The following BROX variants were observed in gnomAD, a reference collection of about 807,000 sequenced individuals.
BROX encodes the protein BRO1 domain and CAAX motif containing.
In BROX, 53 loss-of-function variants were observed where a neutral mutation model predicts 61.0. The ratio of observed to expected loss-of-function variants is 0.87; its 90% CI spans 0.70 to 1.09. The LOEUF (loss-of-function observed/expected upper bound fraction) is 1.09, where lower values mean the gene tolerates loss of function less well. Among genes scored for constraint, BROX ranks in the 50% least tolerant of loss-of-function variants. BROX has a pLI of 0.00. For synonymous variants in BROX, 152 were observed against 160.2 expected, an observed-to-expected ratio of 0.95 and a Z score of 0.38; for missense variants, 489 against 472.0, an observed-to-expected ratio of 1.04 and a Z score of -0.33.
In BROX at chr1:222,725,496, AT is replaced by A; in HGVS notation, c.524del (p.Leu175Ter). On this transcript the variant is annotated frameshift_variant, in exon 7 of 13. Coordinates refer to ENST00000340934, the MANE Select transcript of BROX (RefSeq NM_144695.4). LOFTEE classifies it high-confidence loss of function. ...ATTACACCTGCGGAAAAAGGAAGAG[AT>A]TTAGAGTCACGACTCATAGAAGCAT... ...KLITPAEKGR[D>X]LESRLIEAYV... 1 of 1,613,460 alleles carries A rather than the reference AT, an allele frequency of 6.2e-7. No homozygotes were observed. Among genetic ancestry groups the A allele is most frequent in the Non-Finnish European group, 8.5e-7 (1 of 1,179,762 alleles).
intron 7 of BROX, among the ~76,000 whole-genome samples, chr1:222,725,829 G>A (rs755791444): frequency 5.9e-5 from 9 of 152,136 alleles, no homozygotes; most frequent in Non-Finnish European, 1.2e-4. Context: ...AAGGATCGCT[G>A]GAGCCTGGGA....
chr1:222,732,336 G>T (rs995495783), intron 12 of BROX, among the ~76,000 whole-genome samples: 2 of 152,010 alleles, frequency 1.3e-5, no homozygotes, highest in African/African-American at 4.8e-5. Context: ...TTAGCATTAG[G>T]TATATCTCCT....
chr1:222,732,374 T>C (rs1432700994), intron 12 of BROX, among the ~76,000 whole-genome samples: 1 of 152,174 alleles, frequency 6.6e-6, no homozygotes, highest in African/African-American at 2.4e-5. Flanking sequence ...ATAGATCACT[T>C]AGAAAAAAGT....
chr1:222,727,796 G>A (rs545679094), intron 8 of BROX, among the ~76,000 whole-genome samples: 12 of 152,256 alleles, frequency 7.9e-5, no homozygotes, highest in South Asian at 4.1e-4. Flanking sequence ...ACATCACAGC[G>A]GCGAATTAGG....
At chr1:222,732,247 G>C (rs947574534) in intron 12 of BROX, among the ~76,000 whole-genome samples, 1 of 151,818 alleles carries the variant, frequency 6.6e-6, no homozygotes, top group Non-Finnish European at 1.5e-5. Flanking sequence ...AAGTTTTAGG[G>C]TACATGTGCA....
chr1:222,722,557 C>A (rs754206564), intron 5 of BROX, 43 bp downstream of exon 5: 1 of 1,341,580 alleles, frequency 7.5e-7, no homozygotes, highest in Admixed American at 1.9e-5. Flanking sequence ...TGTTATTTTT[C>A]AAGTATGTGG....
intron 4 of BROX, among the ~76,000 whole-genome samples, chr1:222,719,937 C>T (rs1047397915): frequency 5.9e-5 from 9 of 152,180 alleles, no homozygotes; most frequent in Admixed American, 3.9e-4. Flanking sequence ...TTTTTACTTA[C>T]CTACTGTTTT....
chr1:222,722,693 T>A (rs888725600), intron 5 of BROX, among the ~76,000 whole-genome samples, 179 bp downstream of exon 5: 1 of 152,210 alleles, frequency 6.6e-6, no homozygotes, highest in Non-Finnish European at 1.5e-5. Flanking sequence ...AAATAAATTT[T>A]AATAGTCTTG....
intron 5 of BROX, among the ~76,000 whole-genome samples, chr1:222,723,131 T>G (rs1235336444): frequency 6.6e-6 from 1 of 152,222 alleles, no homozygotes; most frequent in Non-Finnish European, 1.5e-5. Flanking sequence ...TATGTGCTGA[T>G]GTAAAATTAT....
At chr1:222,718,747 C>A (rs543064785) in intron 2 of BROX, among the ~76,000 whole-genome samples, 178 bp from the exon 3 acceptor site, 1 of 151,728 alleles carries the variant, frequency 6.6e-6, no homozygotes, top group Non-Finnish European at 1.5e-5. Context: ...TTTGTTAATC[C>A]CTTAGAGGAG....
chr1:222,731,811 G>A (rs973971721), intron 12 of BROX, among the ~76,000 whole-genome samples: 1 of 152,184 alleles, frequency 6.6e-6, no homozygotes, highest in Admixed American at 6.5e-5. Context: ...GATCATCCAT[G>A]TTTATACTGC....
intron 2 of BROX, among the ~76,000 whole-genome samples, chr1:222,717,122 A>G (rs923005495): frequency 3.9e-5 from 6 of 152,220 alleles, no homozygotes; most frequent in Non-Finnish European, 7.4e-5. Flanking sequence ...CATAGTATTT[A>G]TTTTAGGCTT....
Position 222,722,403 on chromosome 1 carries a change from A to T in BROX, c.306-16A>T. Reference sequence around the variant, plus strand: ...GGATAATTGACAGAACTTAATGATCATGTTTATAATTCCAGTGCCCAGCAG... The same window carrying T: ...GGATAATTGACAGAACTTAATGATCTTGTTTATAATTCCAGTGCCCAGCAG... On this transcript the variant is annotated splice_polypyrimidine_tract_variant and intron_variant, in intron 4 of 12. Transcript: ENST00000340934. 6.3e-7 allele frequency: 1 copy of T among 1,594,112 alleles called. No individual in the cohort carries two copies. The highest frequency in any genetic ancestry group is 1.3e-5 in the African/African-American group (1 of 74,612).
chr1:222,719,781 T>C (rs1656928126), intron 4 of BROX, among the ~76,000 whole-genome samples: 1 of 152,236 alleles, frequency 6.6e-6, no homozygotes, highest in South Asian at 2.1e-4. Context: ...AACTCCATAC[T>C]CTTGATTCAC....
chr1:222,715,104 G>T (rs1656487325), intron 1 of BROX: 1 of 152,178 alleles, frequency 6.6e-6, no homozygotes, highest in Admixed American at 6.5e-5. Flanking sequence ...ACCCGTTTTG[G>T]AAATTACGTT....
In BROX at chr1:222,727,511, T is replaced by A. The variant is rs956760631; in HGVS notation, c.670+254T>A. 5.9e-5 allele frequency among the ~76,000 whole-genome samples: 9 copies of A among 152,312 alleles called. No homozygotes were observed. The South Asian group carries it at 6.2e-4, about 11-fold the overall frequency. On this transcript the variant is annotated intron_variant, in intron 8 of 12. Transcript: ENST00000340934. ...GCTTAAAATTTTTTTTTAGTGTTTA[T>A]AACAACCTTATAGTTACTATGCTTT... is the stretch of plus-strand genomic sequence containing the variant.
chr1:222,732,263 T>TAC (rs1657994359), intron 12 of BROX, among the ~76,000 whole-genome samples: 3 of 152,182 alleles, frequency 2.0e-5, no homozygotes, highest in Non-Finnish European at 2.9e-5. Flanking sequence ...GTGCACAATG[T>TAC]GCAGGTTAGT....
At chr1:222,724,938 T>C (rs1038449815) in intron 6 of BROX, among the ~76,000 whole-genome samples, 1 of 151,868 alleles carries the variant, frequency 6.6e-6, no homozygotes. Context: ...GGATTATAGG[T>C]GCCTGCCACC....
intron 4 of BROX, among the ~76,000 whole-genome samples, chr1:222,720,261 G>A (rs1023536807): frequency 6.6e-6 from 1 of 152,088 alleles, no homozygotes; most frequent in Non-Finnish European, 1.5e-5. Context: ...TTCATTAAAT[G>A]TTCATTTCCT....
Sources: allele counts gnomAD v4.1 joint callset (sites outside exome capture counted in the v4.1 genomes callset), GRCh38; gene constraint gnomAD v4.1.1; transcripts MANE v1.5; gene names NCBI Gene and HGNC (gene_info 2026-07-23, HGNC 2026-07-21).